USH2A: variants seen among roughly 807,000 people sequenced by gnomAD.
USH2A encodes usherin.
In USH2A, 443 loss-of-function variants were observed where a neutral mutation model predicts 538.9. The observed-to-expected ratio is 0.82, with a 90% CI of 0.76 to 0.89. The LOEUF (loss-of-function observed/expected upper bound fraction) is 0.89. Among genes scored for constraint, USH2A ranks in the 40% least tolerant of loss-of-function variants. The pLI is 0.00. For synonymous variants in USH2A, 2,413 were observed against 2,273.5 expected, an observed-to-expected ratio of 1.06 and a Z score of -1.75; for missense variants, 6,633 against 6,324.8, an observed-to-expected ratio of 1.05 and a Z score of -1.65.
At chr1:215,737,069 C>G (rs1185958774) in intron 60 of USH2A, among the ~76,000 whole-genome samples, 3 of 151,824 alleles carry the variant, frequency 2.0e-5, no homozygotes, top group Admixed American at 2.0e-4. Flanking sequence ...TTGCCATCAT[C>G]AGGGTACTGG....
Position 216,086,746 on chromosome 1 carries a change from T to G in USH2A, c.4960A>C (p.Ser1654Arg). Residue 1654 changes from serine (S) to arginine (R), a missense_variant, in exon 24 of 72, where the codon AGT (serine) becomes CGT (arginine). Ser to Arg is a moderately radical substitution (Grantham distance 110, BLOSUM62 -1). Coordinates refer to ENST00000307340, the MANE Select transcript of USH2A (RefSeq NM_206933.4). ...GGATCCTTCCTGAGGATGGTATAAC[T>G]TCGCGGGAGCCCTCCCAGAAAGACT... ...TGVFLGGLPR[S>R]YTILRKDPEI... The G allele has an allele frequency of 1.2e-6, 2 of 1,612,966 alleles. No individual in the cohort carries two copies. The highest frequency in any genetic ancestry group is 1.7e-6 in the Non-Finnish European group (2 of 1,179,298).
chr1:216,238,057 G>A (rs1015423191), intron 13 of USH2A, among the ~76,000 whole-genome samples: 1 of 151,998 alleles, frequency 6.6e-6, no homozygotes, highest in Non-Finnish European at 1.5e-5. Flanking sequence ...CCATTGGCAG[G>A]GTCTTGTACA....
At chr1:216,410,583 A>T (rs578181261) in intron 3 of USH2A, among the ~76,000 whole-genome samples, 1 of 152,118 alleles carries the variant, frequency 6.6e-6, no homozygotes, top group African/African-American at 2.4e-5. Context: ...TATGGACATC[A>T]GAATATTTTT....
intron 45 of USH2A, among the ~76,000 whole-genome samples, chr1:215,844,852 G>A (rs1571741549): frequency 6.6e-6 from 1 of 152,168 alleles, no homozygotes; most frequent in East Asian, 1.9e-4. Context: ...AGGGGAGGGA[G>A]GGAAGGAAAT....
chr1:215,976,805 TG>T (rs1667628628), intron 35 of USH2A, among the ~76,000 whole-genome samples: 1 of 152,152 alleles, frequency 6.6e-6, no homozygotes, highest in Admixed American at 6.6e-5. Flanking sequence ...AATATTGGCC[TG>T]TAGTTTCCTT....
chr1:215,845,711 C>T (rs541561592), intron 45 of USH2A, 113 bp downstream of exon 45: 18 of 1,169,498 alleles, frequency 1.5e-5, no homozygotes, highest in Non-Finnish European at 2.2e-5. Context: ...CCACCCCCTT[C>T]CCTCCCACAC....
chr1:216,086,942 A>C (rs934876152), intron 23 of USH2A, 122 bp from the exon 24 acceptor site: 1 of 734,260 alleles, frequency 1.4e-6, no homozygotes, highest in Admixed American at 2.0e-5. Context: ...CTCTCTCCTC[A>C]TTGCCTGTTC....
chr1:215,787,251 A>G (rs929458443), intron 51 of USH2A, among the ~76,000 whole-genome samples: 6 of 152,182 alleles, frequency 3.9e-5, no homozygotes, highest in African/African-American at 1.4e-4. Flanking sequence ...CAAAACTGAT[A>G]AGTCTTTAAA....
Position 216,207,449 on chromosome 1 carries a change from G to C in USH2A, c.3158-18C>G, listed in dbSNP as rs1558317598. ...GAATGGAGCTAAATTACAATGAAGAGAGCATTTATTAGCAAAGCAATCAAT... is the reference window on the plus strand; with the variant it reads ...GAATGGAGCTAAATTACAATGAAGACAGCATTTATTAGCAAAGCAATCAAT... On this transcript the variant is annotated intron_variant, in intron 15 of 71. Transcript: ENST00000307340. 5 of 1,613,766 alleles carry C rather than the reference G, an allele frequency of 3.1e-6. No homozygotes were observed. Among genetic ancestry groups the C allele is most frequent in the Non-Finnish European group, 4.2e-6 (5 of 1,179,842 alleles).
intron 49 of USH2A, among the ~76,000 whole-genome samples, chr1:215,805,291 A>G (rs1662468078): frequency 6.6e-6 from 1 of 152,286 alleles, no homozygotes; most frequent in South Asian, 2.1e-4. Context: ...TAATAAAAAA[A>G]AAAGAAAGAA....
chr1:215,911,341 C>T (rs1306613694), intron 38 of USH2A, among the ~76,000 whole-genome samples: 2 of 151,930 alleles, frequency 1.3e-5, no homozygotes, highest in East Asian at 1.9e-4. Context: ...ATCCCCTCCT[C>T]TCCCCAACCC....
At chr1:216,010,359 G>A (rs1020781876) in intron 32 of USH2A, among the ~76,000 whole-genome samples, 12 of 152,188 alleles carry the variant, frequency 7.9e-5, no homozygotes, top group South Asian at 2.1e-4. Context: ...CATCTGTGCC[G>A]GACCCCACTG....
chr1:215,840,103 C>A (rs541594965), intron 46 of USH2A, among the ~76,000 whole-genome samples: 5 of 124,142 alleles, frequency 4.0e-5, no homozygotes, highest in African/African-American at 1.6e-4. Flanking sequence ...GCAGAGGTTG[C>A]AGTGAGCCGA....
chr1:215,802,833 T>C (rs909564611), intron 49 of USH2A, among the ~76,000 whole-genome samples: 2 of 152,130 alleles, frequency 1.3e-5, no homozygotes, highest in Non-Finnish European at 2.9e-5. Context: ...ATGGCAGCTT[T>C]AACCATAATA....
intron 48 of USH2A, among the ~76,000 whole-genome samples, chr1:215,815,007 G>A (rs988912721): frequency 1.3e-5 from 2 of 152,080 alleles, no homozygotes; most frequent in African/African-American, 4.8e-5. Flanking sequence ...TGTTTACAGT[G>A]ATTTAGCCAA....
At chr1:215,857,399 T>C (rs901622578) in intron 44 of USH2A, among the ~76,000 whole-genome samples, 1 of 152,068 alleles carries the variant, frequency 6.6e-6, no homozygotes, top group Non-Finnish European at 1.5e-5. Context: ...TTACTTCTCA[T>C]AAAGGGTTGC....
chr1:216,118,782 T>C (rs887409937), intron 21 of USH2A, among the ~76,000 whole-genome samples: 2 of 152,220 alleles, frequency 1.3e-5, no homozygotes, highest in Non-Finnish European at 2.9e-5. Flanking sequence ...CCCTTTAATA[T>C]TGAATGCCCA....
intron 21 of USH2A, among the ~76,000 whole-genome samples, chr1:216,103,886 C>T (rs1204246094): frequency 6.6e-6 from 1 of 152,060 alleles, no homozygotes; most frequent in African/African-American, 2.4e-5. Flanking sequence ...TAGAATTGGT[C>T]AAATTAAAAA....
At chr1:216,310,175 A>C (rs2037393093) in intron 9 of USH2A, among the ~76,000 whole-genome samples, 2 of 152,208 alleles carry the variant, frequency 1.3e-5, no homozygotes, top group Admixed American at 6.5e-5. Flanking sequence ...AATATCTACT[A>C]CTTTTTATTC....
Sources: gnomAD v4.1 joint callset for allele counts (sites outside exome capture counted in the v4.1 genomes callset) on GRCh38, gnomAD v4.1.1 for gene constraint, MANE v1.5 for transcripts, NCBI Gene and HGNC (gene_info 2026-07-23, HGNC 2026-07-21) for gene names.